PHACTR2: variants seen among roughly 807,000 people sequenced by gnomAD.
PHACTR2 encodes the protein phosphatase and actin regulator 2.
PHACTR2 carries 30 observed loss-of-function variants against 76.0 expected under a neutral mutation model. That is an observed-to-expected ratio of 0.39 (90% confidence interval 0.30 to 0.54). PHACTR2 has a LOEUF of 0.54. PHACTR2 is among the 20% of genes least tolerant of loss of function. The pLI is 0.61. For synonymous variants in PHACTR2, 292 were observed against 292.5 expected, an observed-to-expected ratio of 1.00 and a Z score of 0.02; for missense variants, 696 against 781.1, an observed-to-expected ratio of 0.89 and a Z score of 1.30.
intron 1 of PHACTR2, among the ~76,000 whole-genome samples, chr6:143,564,196 C>CGCATAT (rs1775326512): frequency 2.5e-5 from 1 of 40,286 alleles, no homozygotes; most frequent in Non-Finnish European, 4.9e-5. Flanking sequence ...TGTGTGTGTG[C>CGCATAT]ATATATATAT....
upstream of PHACTR2, among the ~76,000 whole-genome samples, chr6:143,673,553 T>C (rs546284212): frequency 2.0e-5 from 3 of 152,322 alleles, no homozygotes; most frequent in East Asian, 5.8e-4. Flanking sequence ...AGGACTGTTC[T>C]CTTTAGATTT....
At position 143,796,981 on chromosome 6, in the gene PHACTR2, G is replaced by A. The variant is rs565608820; in HGVS notation, c.1845+8071G>A. On this transcript the variant is annotated intron_variant, in intron 11 of 12. Coordinates refer to ENST00000440869, the MANE Select transcript of PHACTR2 (RefSeq NM_001100164.2). ...TCTAGTTCTAGATCCTTGAGGAATC[G>A]CCACACTGTCTTCCAAATGGTTGAA... 7.4e-4 allele frequency among the ~76,000 whole-genome samples: 112 copies of A among 152,230 alleles called. 1 individual carries two copies. The Middle Eastern group carries it at 0.014, about 18-fold the overall frequency.
Position 143,756,425 on chromosome 6 carries a change from G to C in PHACTR2, c.454+2513G>C, listed in dbSNP as rs564763093. ...ATAAGAGCAGAAAAGGCCGGGCGCC[G>C]TGGCTCACGCCTGTAATCCCAGCAC... On this transcript the variant is annotated intron_variant, in intron 4 of 12. Transcript: ENST00000440869. Among the ~76,000 whole-genome samples, 56 of 152,288 alleles carry C rather than the reference G, an allele frequency of 3.7e-4. No homozygotes were observed. In the Middle Eastern group the frequency reaches 0.01, roughly 28 times the overall value.
At position 143,731,423 on chromosome 6, in the gene PHACTR2, G is replaced by T. The variant is rs960886414; in HGVS notation, c.215-17562G>T. On this transcript the variant is annotated intron_variant, in intron 2 of 12. Coordinates refer to ENST00000440869, the MANE Select transcript of PHACTR2 (RefSeq NM_001100164.2). This position sits in a 1 kb window ranked among gnomAD's most constrained non-coding sequence, Gnocchi z 4.9. ...CTGCCTCAGCCTCCGGAGTAGCTGGGATTATAGGCATGAGCCACCACGCCC... is the reference window on the plus strand; with the variant it reads ...CTGCCTCAGCCTCCGGAGTAGCTGGTATTATAGGCATGAGCCACCACGCCC... Among the ~76,000 whole-genome samples the T allele has an allele frequency of 3.3e-5, 5 of 152,150 alleles. No homozygotes were observed. The highest frequency in any genetic ancestry group is 1.2e-4 in the African/African-American group (5 of 41,428).
chr6:143,538,016 A>G lies in PHACTR2; in HGVS notation c.217+809A>G, dbSNP rs191133963. ...TCCTAGCTACTCAGGAGGCTGAGGCAGGAGAATCGCTTGAACCTGGGAGGC... is the reference window on the plus strand; with the variant it reads ...TCCTAGCTACTCAGGAGGCTGAGGCGGGAGAATCGCTTGAACCTGGGAGGC... On this transcript the variant is annotated intron_variant, in intron 1 of 11. Transcript: ENST00000367584. 4.9e-3 allele frequency among the ~76,000 whole-genome samples: 747 copies of G among 152,338 alleles called. 6 individuals are homozygous for G. Among genetic ancestry groups the G allele is most frequent in the South Asian group, 9.5e-3 (46 of 4,826 alleles).
At chr6:143,649,268 G>C (rs954456656) in intron 1 of PHACTR2, among the ~76,000 whole-genome samples, 1 of 152,138 alleles carries the variant, frequency 6.6e-6, no homozygotes, top group Non-Finnish European at 1.5e-5. Flanking sequence ...ACAAATCAGA[G>C]AAAATTTAAG....
At chr6:143,640,841 T>G (rs1776551481) in intron 1 of PHACTR2, among the ~76,000 whole-genome samples, 1 of 152,206 alleles carries the variant, frequency 6.6e-6, no homozygotes, top group Admixed American at 6.5e-5. Context: ...GTAATTAAGT[T>G]AAGGATCTTA....
At position 143,826,838 on chromosome 6, in the gene PHACTR2, T is replaced by C. The variant is rs976634042; in HGVS notation, c.*3149T>C. Reference sequence around the variant, plus strand: ...AGAACCATTTTGGCATTTGAACAGCTATTTTACATGGAGAAAAAGCAAACA... The same window carrying C: ...AGAACCATTTTGGCATTTGAACAGCCATTTTACATGGAGAAAAAGCAAACA... On this transcript the variant is annotated 3_prime_UTR_variant, in exon 13 of 13. Transcript: ENST00000440869. 1 of 152,098 alleles carries C rather than the reference T, an allele frequency of 6.6e-6. No individual in the cohort carries two copies. The highest frequency in any genetic ancestry group is 2.4e-5 in the African/African-American group (1 of 41,404). The allele number at this position is 152,098 out of a possible 1,614,324, so 9.4% of individuals were successfully genotyped here.
In PHACTR2 at chr6:143,787,190, C is replaced by T. The variant is rs78366157; in HGVS notation, c.1708-1583C>T. On this transcript the variant is annotated intron_variant, in intron 10 of 12. Transcript: ENST00000440869. The surrounding 1 kb of genome is among the most constrained non-coding windows in gnomAD (Gnocchi z 4.6). ...TCCATGCCGTAGGTGCAGGTCAGCC[C>T]GTAGCACTGGTAGCTACCCCATGAC... Among the ~76,000 whole-genome samples, 16,332 of 152,254 alleles carry T rather than the reference C, an allele frequency of 0.11. 1,049 individuals are homozygous for T. The highest frequency in any genetic ancestry group is 0.25 in the East Asian group (1,297 of 5,170).
intron 1 of PHACTR2, among the ~76,000 whole-genome samples, chr6:143,615,215 C>T (rs1209599465): frequency 6.6e-6 from 1 of 152,186 alleles, no homozygotes; most frequent in Non-Finnish European, 1.5e-5. Context: ...AATTTATAAA[C>T]TTGAATCTAG....
chr6:143,626,490 T>C (rs1183730980), intron 1 of PHACTR2, among the ~76,000 whole-genome samples: 1 of 146,676 alleles, frequency 6.8e-6, no homozygotes, highest in Non-Finnish European at 1.5e-5. Flanking sequence ...TGAGCCGAGA[T>C]TGCGCCACTG....
rs111538685 is a variant in PHACTR2 at position 143,736,899 on chromosome 6, G to A, written c.215-12086G>A. On this transcript the variant is annotated intron_variant, in intron 2 of 12. Coordinates refer to ENST00000440869, the MANE Select transcript of PHACTR2 (RefSeq NM_001100164.2). ...TACAAGATATTTTAATCATCCTAAC[G>A]TCTATTCATGCTAGGTTTTAGTGCC... is the stretch of plus-strand genomic sequence containing the variant. 5.4e-3 allele frequency among the ~76,000 whole-genome samples: 822 copies of A among 151,688 alleles called. 9 individuals are homozygous for A. The highest frequency in any genetic ancestry group is 0.018 in the African/African-American group (759 of 41,332).
rs1207287891 is a variant in PHACTR2 at position 143,656,392 on chromosome 6, A to G, written c.13+48070A>G. On this transcript the variant is annotated intron_variant, in intron 1 of 11. Coordinates refer to the PHACTR2 transcript ENST00000305766. The surrounding 1 kb of genome is among the most constrained non-coding windows in gnomAD (Gnocchi z 5.3). ...GAAGTAGAATTGTCTTGGGCCACAC[A>G]TAAAATACACTAACACTAATGATAG... Among the ~76,000 whole-genome samples the G allele has an allele frequency of 6.6e-6, 1 of 152,230 alleles. No homozygotes were observed. Among genetic ancestry groups the G allele is most frequent in the Non-Finnish European group, 1.5e-5 (1 of 68,030 alleles).
At chr6:143,726,603 T>G (rs1225468060) in intron 2 of PHACTR2, among the ~76,000 whole-genome samples, 1 of 152,232 alleles carries the variant, frequency 6.6e-6, no homozygotes, top group Non-Finnish European at 1.5e-5. Context: ...AGATTTCCTT[T>G]TTTCAAAGAC....
chr6:143,658,907 C>T lies in PHACTR2; in HGVS notation c.13+50585C>T, dbSNP rs1196093834. ...GGTCAGGGTGGCATGCGCCTATAAT[C>T]TCAGCTGCTCTGAGGCTGAGGCAGG... On this transcript the variant is annotated intron_variant, in intron 1 of 11. Transcript: ENST00000305766. The surrounding 1 kb of genome is among the most constrained non-coding windows in gnomAD (Gnocchi z 4.1). Among the ~76,000 whole-genome samples, 2 of 151,982 alleles carry T rather than the reference C, an allele frequency of 1.3e-5. No individual in the cohort carries two copies. The highest frequency in any genetic ancestry group is 2.9e-5 in the Non-Finnish European group (2 of 68,000).
chr6:143,765,380 G>A lies in PHACTR2; in HGVS notation c.814G>A (p.Val272Met). 1 of 1,614,230 alleles carries A rather than the reference G, an allele frequency of 6.2e-7. No homozygotes were observed. Among genetic ancestry groups the A allele is most frequent in the Non-Finnish European group, 8.5e-7 (1 of 1,180,048 alleles). ...KETVSSKAGT[V>M]GTTKGKRKTD... ...GACAGTTTCTAGCAAAGCAGGGACA[G>A]TGGGGACCACCAAGGGCAAGAGAAA... Residue 272 changes from valine to methionine, a missense_variant, in exon 6 of 13, where the codon GTG (valine) becomes ATG (methionine). By Grantham distance (21) the Val-to-Met change is conservative. Transcript: ENST00000440869. This position sits in a 1 kb window ranked among gnomAD's most constrained non-coding sequence, Gnocchi z 4.1.
intron 7 of PHACTR2, among the ~76,000 whole-genome samples, chr6:143,773,586 T>C (rs1775204057): frequency 6.6e-6 from 1 of 151,384 alleles, no homozygotes; most frequent in Non-Finnish European, 1.5e-5. Flanking sequence ...TTTGTTGAAA[T>C]TTTCAGGATT....
At chr6:143,670,759 G>A (rs1476868799) in intron 1 of PHACTR2, among the ~76,000 whole-genome samples, 1 of 151,898 alleles carries the variant, frequency 6.6e-6, no homozygotes, top group East Asian at 1.9e-4. Context: ...TTTTTTCCAG[G>A]TTCTTAGCTT....
At chr6:143,677,902 C>T (rs890938965), upstream of PHACTR2, 6 of 418,180 alleles carry the variant, frequency 1.4e-5, no homozygotes, top group African/African-American at 1.1e-4. Flanking sequence ...CCCTATCGCC[C>T]TCACCCCCCT....
Sources: gnomAD v4.1 joint callset for allele counts (sites outside exome capture counted in the v4.1 genomes callset) on GRCh38, gnomAD v4.1.1 for gene constraint, Gnocchi (gnomAD v3.1) non-coding constraint, MANE v1.5 for transcripts, NCBI Gene and HGNC (gene_info 2026-07-23, HGNC 2026-07-21) for gene names.